SLC23A2: variants seen among roughly 807,000 people sequenced by gnomAD.
SLC23A2 encodes Na(+)/L-ascorbic acid transporter 2.
Under a neutral mutation model 73.3 loss-of-function variants are expected in SLC23A2, and 36 were observed. The observed-to-expected ratio is 0.49, with a 90% CI of 0.38 to 0.65. SLC23A2 has a LOEUF of 0.65. Among genes scored for constraint, SLC23A2 ranks in the 30% least tolerant of loss-of-function variants. The probability of loss-of-function intolerance (pLI) is 0.00; values close to 1 mark genes in which losing one functional copy is unlikely to be tolerated. For synonymous variants in SLC23A2, 343 were observed against 327.3 expected (o/e 1.05, Z -0.52); for missense variants, 507 against 841.6 (o/e 0.60, Z 4.92).
At chr20:4,911,994 A>T (rs1600125815) in intron 4 of SLC23A2, among the ~76,000 whole-genome samples, 1 of 145,106 alleles carries the variant, frequency 6.9e-6, no homozygotes, top group Admixed American at 7.0e-5. Flanking sequence ...ACATCACCAC[A>T]CCTGGATAAT....
chr20:4,862,131 G>C lies in SLC23A2; in HGVS notation c.1487-46C>G, dbSNP rs764677786. 3.7e-6 allele frequency: 6 copies of C among 1,605,650 alleles called. No individual in the cohort carries two copies. The highest frequency in any genetic ancestry group is 2.6e-6 in the Non-Finnish European group (3 of 1,174,850). ...CCACAAGCTCCAGCACCACTACAGC[G>C]GGGACAGCTCAAGGCAGGTGAGGGC... On this transcript the variant is annotated intron_variant, in intron 14 of 16. Transcript: ENST00000338244. This position sits in a 1 kb window ranked among gnomAD's most constrained non-coding sequence, Gnocchi z 5.1.
intron 9 of SLC23A2, among the ~76,000 whole-genome samples, chr20:4,882,424 G>A (rs910180631): frequency 6.6e-6 from 1 of 151,872 alleles, no homozygotes; most frequent in African/African-American, 2.4e-5. Flanking sequence ...TCATGCTCAT[G>A]TGTGAGATGT....
intron 11 of SLC23A2, among the ~76,000 whole-genome samples, chr20:4,870,604 G>A (rs1930409482): frequency 6.6e-6 from 1 of 151,804 alleles, no homozygotes; most frequent in South Asian, 2.1e-4. Context: ...AAAAGAAGAA[G>A]ACATTGTTGG....
intron 2 of SLC23A2, among the ~76,000 whole-genome samples, chr20:4,940,495 T>C (rs2087024067): frequency 6.7e-6 from 1 of 150,198 alleles, no homozygotes; most frequent in African/African-American, 2.5e-5. Context: ...ACATATGATA[T>C]GGCAGCACTT....
At chr20:4,934,721 G>A (rs1568631449) in intron 2 of SLC23A2, among the ~76,000 whole-genome samples, 1 of 152,204 alleles carries the variant, frequency 6.6e-6, no homozygotes, top group South Asian at 2.1e-4. Flanking sequence ...AAATTAGCCA[G>A]GCGTGGTGGC....
Position 4,868,270 on chromosome 20 carries a change from C to T in SLC23A2, c.1251-395G>A, listed in dbSNP as rs2122788585. 6.6e-6 allele frequency among the ~76,000 whole-genome samples: 1 copy of T among 152,156 alleles called. No homozygotes were observed. On this transcript the variant is annotated intron_variant, in intron 12 of 16. Transcript: ENST00000338244. This position sits in a 1 kb window ranked among gnomAD's most constrained non-coding sequence, Gnocchi z 4.4. Reference sequence around the variant, plus strand: ...TGTATTTTTAGTAGAGACGGGGTTTCACCATGTGGCCAGGCTGGTGTGGAA... The same window carrying T: ...TGTATTTTTAGTAGAGACGGGGTTTTACCATGTGGCCAGGCTGGTGTGGAA...
At chr20:4,988,974 C>T (rs2087878646) in intron 1 of SLC23A2, among the ~76,000 whole-genome samples, 1 of 151,898 alleles carries the variant, frequency 6.6e-6, no homozygotes, top group African/African-American at 2.4e-5. Context: ...CGGTGGCTCA[C>T]ATTTGTAATC....
intron 3 of SLC23A2, among the ~76,000 whole-genome samples, chr20:4,919,099 A>G (rs1276103065): frequency 6.6e-6 from 1 of 152,204 alleles, no homozygotes; most frequent in African/African-American, 2.4e-5. Flanking sequence ...AAAATTAACC[A>G]CTATGAAAAA....
In SLC23A2 at chr20:4,857,729, G is replaced by A. The variant is rs908720132; in HGVS notation, c.1721-525C>T. On this transcript the variant is annotated intron_variant, in intron 16 of 16. Transcript: ENST00000338244. This position sits in a 1 kb window ranked among gnomAD's most constrained non-coding sequence, Gnocchi z 4.0. ...GAGGATCACATGAAGTCAGGAGTTCGAGACCAGCCTAGCCAACATGGTGAA... is the reference window on the plus strand; with the variant it reads ...GAGGATCACATGAAGTCAGGAGTTCAAGACCAGCCTAGCCAACATGGTGAA... Among the ~76,000 whole-genome samples, 5 of 152,016 alleles carry A rather than the reference G, an allele frequency of 3.3e-5. No individual in the cohort carries two copies. The highest frequency in any genetic ancestry group is 6.6e-5 in the Admixed American group (1 of 15,262).
At chr20:4,920,459 T>C (rs896993672) in intron 3 of SLC23A2, among the ~76,000 whole-genome samples, 1 of 152,184 alleles carries the variant, frequency 6.6e-6, no homozygotes, top group Non-Finnish European at 1.5e-5. Flanking sequence ...CTCTTGGAAA[T>C]CTATCCTTCA....
chr20:4,882,624 C>A (rs1031764919), intron 9 of SLC23A2, among the ~76,000 whole-genome samples: 2 of 152,130 alleles, frequency 1.3e-5, no homozygotes, highest in Admixed American at 1.3e-4. Flanking sequence ...TTGAAACCCA[C>A]GGTGGCCACT....
At chr20:4,910,401 G>A (rs981776382) in intron 4 of SLC23A2, among the ~76,000 whole-genome samples, 4 of 149,522 alleles carry the variant, frequency 2.7e-5, no homozygotes, top group South Asian at 2.1e-4. Context: ...AAAACAGCCC[G>A]CTGAGGGTCT....
At chr20:4,995,924 C>T (rs1000722085) in intron 1 of SLC23A2, among the ~76,000 whole-genome samples, 4 of 152,136 alleles carry the variant, frequency 2.6e-5, no homozygotes, top group East Asian at 3.8e-4. Context: ...TCTATACTAA[C>T]GAGAACTTAG....
chr20:4,956,800 C>CTTTTTT (rs759658782), intron 2 of SLC23A2, among the ~76,000 whole-genome samples: 15 of 111,922 alleles, frequency 1.3e-4, no homozygotes, highest in Non-Finnish European at 1.8e-4. Flanking sequence ...CTTCCCTCTT[C>CTTTTTT]TTTTTTTTTT....
At chr20:4,944,905 A>G (rs1342698830) in intron 2 of SLC23A2, among the ~76,000 whole-genome samples, 1 of 152,066 alleles carries the variant, frequency 6.6e-6, no homozygotes, top group African/African-American at 2.4e-5. Context: ...TTTGACCTAA[A>G]TGCTTTTAAT....
intron 3 of SLC23A2, among the ~76,000 whole-genome samples, chr20:4,914,868 C>T (rs1287184293): frequency 6.6e-6 from 1 of 151,994 alleles, no homozygotes; most frequent in Non-Finnish European, 1.5e-5. Flanking sequence ...AGTGAAACCC[C>T]GTCTCTACTA....
intron 2 of SLC23A2, among the ~76,000 whole-genome samples, chr20:4,950,587 C>G (rs1292634878): frequency 2.6e-5 from 4 of 152,120 alleles, no homozygotes; most frequent in African/African-American, 7.2e-5. Flanking sequence ...GAAGTCACAC[C>G]TGTGGCCAGA....
intron 1 of SLC23A2, among the ~76,000 whole-genome samples, chr20:4,972,339 C>T (rs928655312): frequency 6.6e-6 from 1 of 151,640 alleles, no homozygotes; most frequent in Non-Finnish European, 1.5e-5. Flanking sequence ...CTTCAAGGAA[C>T]CATTAATGAG....
rs111583352 is a variant in SLC23A2 at position 4,928,460 on chromosome 20, C to T, written c.108+3995G>A. Reference sequence around the variant, plus strand: ...TGTTTTCCTTCTTTTATGTAATCTACTTTATCTTGAGCTTTGGGAGTTCAG... The same window carrying T: ...TGTTTTCCTTCTTTTATGTAATCTATTTTATCTTGAGCTTTGGGAGTTCAG... On this transcript the variant is annotated intron_variant, in intron 3 of 16. Coordinates refer to ENST00000338244, the MANE Select transcript of SLC23A2 (RefSeq NM_005116.6). Among the ~76,000 whole-genome samples, 1,350 of 152,184 alleles carry T rather than the reference C, an allele frequency of 8.9e-3. 22 individuals are homozygous for T. The highest frequency in any genetic ancestry group is 0.031 in the African/African-American group (1,284 of 41,516).
Sources: allele counts gnomAD v4.1 joint callset (sites outside exome capture counted in the v4.1 genomes callset), GRCh38; gene constraint gnomAD v4.1.1; non-coding constraint Gnocchi (gnomAD v3.1); transcripts MANE v1.5; gene names NCBI Gene and HGNC (gene_info 2026-07-23, HGNC 2026-07-21).